CDH12: variants seen among roughly 807,000 people sequenced by gnomAD.
CDH12 encodes the protein cadherin 12, also known as cadherin-12.
A neutral mutation model predicts 74.1 loss-of-function variants in CDH12; 41 were observed. That is an observed-to-expected ratio of 0.55 (90% CI 0.43 to 0.72). CDH12 has a LOEUF of 0.72. Ranked by LOEUF, CDH12 falls within the 30% of genes least tolerant of loss-of-function variation. The pLI, the probability that CDH12 is intolerant of heterozygous loss-of-function variation, is 0.00. For synonymous variants in CDH12, 399 were observed against 355.0 expected (o/e 1.12, Z -1.39); for missense variants, 945 against 977.2 (o/e 0.97, Z 0.44).
intron 4 of CDH12, among the ~76,000 whole-genome samples, chr5:22,159,104 G>C (rs186250189): frequency 6.6e-6 from 1 of 152,116 alleles, no homozygotes; most frequent in Non-Finnish European, 1.5e-5. Context: ...AATTTTGAGG[G>C]AGAAAATAGA....
intron 1 of CDH12, among the ~76,000 whole-genome samples, chr5:22,819,984 T>C (rs183268196): frequency 2.8e-5 from 4 of 143,066 alleles, no homozygotes; most frequent in East Asian, 3.9e-4. Context: ...TATACATATA[T>C]ATACATATAC....
At chr5:22,597,584 T>C (rs1488672588) in intron 1 of CDH12, among the ~76,000 whole-genome samples, 1 of 152,220 alleles carries the variant, frequency 6.6e-6, no homozygotes, top group East Asian at 1.9e-4. Flanking sequence ...AGAGCATTTA[T>C]TAATATCTGA....
rs1412466016 is a variant in CDH12, at chr5:21,856,500, G to A, written c.527-1710C>T. Reference sequence around the variant, plus strand: ...ACAAATAGGAAATTAAAATATTTGAGAAATAAGAAATATTTAGTGAAAAAC... The same window carrying A: ...ACAAATAGGAAATTAAAATATTTGAAAAATAAGAAATATTTAGTGAAAAAC... On this transcript the variant is annotated intron_variant, in intron 6 of 14. Coordinates refer to ENST00000382254, the MANE Select transcript of CDH12 (RefSeq NM_004061.5). Among the ~76,000 whole-genome samples the A allele has an allele frequency of 2.0e-5, 3 of 151,694 alleles. No individual in the cohort carries two copies. In the East Asian group the frequency reaches 5.8e-4, roughly 29 times the overall value.
chr5:22,550,878 T>C (rs1215446417), intron 1 of CDH12, among the ~76,000 whole-genome samples: 1 of 152,212 alleles, frequency 6.6e-6, no homozygotes, highest in African/African-American at 2.4e-5. Context: ...GCCCTCCCTA[T>C]GCTTCAGCCA....
At chr5:22,842,867 A>G (rs1737139903) in intron 1 of CDH12, among the ~76,000 whole-genome samples, 1 of 152,084 alleles carries the variant, frequency 6.6e-6, no homozygotes, top group Non-Finnish European at 1.5e-5. Context: ...TCTATTTTAA[A>G]CAACAAGCAA....
chr5:21,939,038 C>G (rs1012618867), intron 6 of CDH12, among the ~76,000 whole-genome samples: 5 of 151,004 alleles, frequency 3.3e-5, no homozygotes, highest in African/African-American at 1.2e-4. Flanking sequence ...CAACATATCT[C>G]TTAATGGGGA....
At chr5:22,063,975 G>GC (rs1233965915) in intron 5 of CDH12, among the ~76,000 whole-genome samples, 2 of 136,252 alleles carry the variant, frequency 1.5e-5, no homozygotes, top group East Asian at 4.5e-4. Context: ...ACTGACTCAT[G>GC]CAATTATGGA....
At chr5:22,703,659 A>G (rs1742836120) in intron 1 of CDH12, among the ~76,000 whole-genome samples, 1 of 152,136 alleles carries the variant, frequency 6.6e-6, no homozygotes, top group South Asian at 2.1e-4. Flanking sequence ...TTTGAACCCT[A>G]TCTTCCCTTT....
At chr5:22,836,223 C>CTTGTTTTTTTTTTT (rs1736815923) in intron 1 of CDH12, among the ~76,000 whole-genome samples, 38 of 65,502 alleles carry the variant, frequency 5.8e-4, no homozygotes, top group Non-Finnish European at 7.8e-4. Context: ...CTTTCTTTCT[C>CTTGTTTTTTTTTTT]TTTTTTTTTT....
At position 22,232,850 on chromosome 5, in the gene CDH12, AAT is replaced by A. The variant is rs898025846; in HGVS notation, c.-332-20209_-332-20208del. On this transcript the variant is annotated intron_variant, in intron 3 of 14. Transcript: ENST00000382254. Reference sequence around the variant, plus strand: ...TAAAGTTTTCTCCTGTTCTCATTTAAATATATATATATTTATATATATATTTT... The same window carrying A: ...TAAAGTTTTCTCCTGTTCTCATTTAAATATATATATTTATATATATATTTT... Among the ~76,000 whole-genome samples, 65 of 147,180 alleles carry A rather than the reference AAT, an allele frequency of 4.4e-4. 1 individual carries two copies. In the East Asian group the frequency reaches 5.3e-3, roughly 12 times the overall value.
At chr5:21,882,726 C>A in intron 6 of CDH12, 3 of 1,557,314 alleles carry the variant, frequency 1.9e-6, no homozygotes, top group African/African-American at 1.4e-5. Context: ...GTAGGTAGAC[C>A]TTTTAGCCGA....
chr5:22,804,604 A>G (rs955191841), intron 1 of CDH12, among the ~76,000 whole-genome samples: 5 of 152,168 alleles, frequency 3.3e-5, no homozygotes, highest in Admixed American at 6.5e-5. Flanking sequence ...TGGGAAACCC[A>G]TTTTTGCTCT....
chr5:22,846,845 C>T (rs901798262), intron 1 of CDH12, among the ~76,000 whole-genome samples: 5 of 152,114 alleles, frequency 3.3e-5, no homozygotes, highest in South Asian at 2.1e-4. Context: ...TCATTTATAC[C>T]TCTTTCCCTC....
chr5:22,554,645 A>G (rs1738719118), intron 1 of CDH12, among the ~76,000 whole-genome samples: 1 of 152,118 alleles, frequency 6.6e-6, no homozygotes, highest in Admixed American at 6.5e-5. Context: ...AGTATGACTC[A>G]GTGTATCTTT....
chr5:22,076,905 T>C (rs760651776), intron 5 of CDH12, among the ~76,000 whole-genome samples: 8 of 152,096 alleles, frequency 5.3e-5, no homozygotes, highest in Non-Finnish European at 8.8e-5. Context: ...CACTTTGACA[T>C]TCTACTCAAC....
At chr5:21,795,762 T>C (rs1182069420) in intron 10 of CDH12, among the ~76,000 whole-genome samples, 2 of 151,978 alleles carry the variant, frequency 1.3e-5, no homozygotes, top group Non-Finnish European at 2.9e-5. Flanking sequence ...CTCTTTCTTC[T>C]CTCTCCCAAA....
At chr5:21,994,225 G>A (rs112011397) in intron 5 of CDH12, among the ~76,000 whole-genome samples, 257 of 152,172 alleles carry the variant, frequency 1.7e-3, no homozygotes, top group African/African-American at 5.9e-3. Context: ...ACCTCATCTT[G>A]TGCACTGGAC....
intron 5 of CDH12, among the ~76,000 whole-genome samples, chr5:22,005,986 ATCCT>A (rs1171860064): frequency 2.0e-5 from 3 of 152,060 alleles, no homozygotes; most frequent in Non-Finnish European, 4.4e-5. Flanking sequence ...AAAGCTTTCT[ATCCT>A]CTTTCTACCA....
intron 5 of CDH12, among the ~76,000 whole-genome samples, chr5:21,977,372 C>T (rs1205028466): frequency 6.6e-6 from 1 of 152,020 alleles, no homozygotes; most frequent in Non-Finnish European, 1.5e-5. Context: ...TTCAACCATG[C>T]TATTAAAGAT....
Sources: allele counts gnomAD v4.1 joint callset (sites outside exome capture counted in the v4.1 genomes callset), GRCh38; gene constraint gnomAD v4.1.1; transcripts MANE v1.5; gene names NCBI Gene and HGNC (gene_info 2026-07-23, HGNC 2026-07-21).